The following CTNND2 variants were observed in gnomAD, a reference collection of about 807,000 sequenced individuals.
The protein encoded by CTNND2 is catenin delta 2.
In CTNND2, 22 loss-of-function variants were observed where a neutral mutation model predicts 144.4. That is an observed-to-expected ratio of 0.15 (90% CI 0.11 to 0.22). CTNND2 has a LOEUF of 0.22. CTNND2 is among the 10% of genes least tolerant of loss of function. The pLI, the probability that CTNND2 is intolerant of heterozygous loss-of-function variation, is 1.00. For missense variants in CTNND2, 1,353 were observed against 1,618.8 expected (o/e 0.84, Z 2.82); for synonymous variants, 751 against 695.6 (o/e 1.08, Z -1.25).
At chr5:11,633,455 A>C (rs1781511986) in intron 2 of CTNND2, among the ~76,000 whole-genome samples, 1 of 152,204 alleles carries the variant, frequency 6.6e-6, no homozygotes. Flanking sequence ...GAAATTCAGC[A>C]ATATTAGTTG....
chr5:11,684,746 A>G (rs1003408315), intron 2 of CTNND2, among the ~76,000 whole-genome samples: 7 of 152,154 alleles, frequency 4.6e-5, no homozygotes, highest in African/African-American at 1.4e-4. Flanking sequence ...TTGTTCCTAT[A>G]GTTGCTATGT....
intron 12 of CTNND2, among the ~76,000 whole-genome samples, chr5:11,120,926 G>C (rs1561336792): frequency 2.6e-5 from 4 of 152,178 alleles, no homozygotes; most frequent in Admixed American, 1.3e-4. Flanking sequence ...CATATCTTAA[G>C]AGAATATTTG....
At chr5:11,098,785 C>T (rs1272564585) in intron 14 of CTNND2, 37 bp from the exon 15 acceptor site, 2 of 1,595,438 alleles carry the variant, frequency 1.3e-6, no homozygotes, top group East Asian at 2.2e-5. Flanking sequence ...ACATCTTTAA[C>T]ATCTTTATGC....
chr5:11,597,350 G>A (rs1030557071), intron 2 of CTNND2, among the ~76,000 whole-genome samples: 1 of 152,118 alleles, frequency 6.6e-6, no homozygotes, highest in African/African-American at 2.4e-5. Context: ...GCTTTGTAAA[G>A]GTCTTAAATA....
chr5:11,575,482 ACT>A (rs1232638981), intron 2 of CTNND2, among the ~76,000 whole-genome samples: 3 of 151,314 alleles, frequency 2.0e-5, no homozygotes, highest in Non-Finnish European at 4.4e-5. Flanking sequence ...TCTCCCCTCT[ACT>A]CTCTGTGTCA....
chr5:11,234,186 C>T (rs1218394469), intron 10 of CTNND2, among the ~76,000 whole-genome samples: 2 of 152,152 alleles, frequency 1.3e-5, no homozygotes, highest in African/African-American at 4.8e-5. Context: ...GACAGACACA[C>T]ACACATATGC....
Position 10,973,736 on chromosome 5 carries a change from A to G in CTNND2, c.3418-23T>C. ...AACCTAAACGGGAAAGAAGAGCCAC[A>G]CTGGGTTACTTGGTTTCCCTTGACT... On this transcript the variant is annotated intron_variant, in intron 21 of 21. Coordinates refer to ENST00000304623, the MANE Select transcript of CTNND2 (RefSeq NM_001332.4). The surrounding 1 kb of genome is among the most constrained non-coding windows in gnomAD (Gnocchi z 5.6). 6.4e-7 allele frequency: 1 copy of G among 1,565,632 alleles called. No individual in the cohort carries two copies. Among genetic ancestry groups the G allele is most frequent in the Non-Finnish European group, 8.6e-7 (1 of 1,156,596 alleles).
At chr5:11,675,369 GGCA>G (rs1358693531) in intron 2 of CTNND2, among the ~76,000 whole-genome samples, 49 of 151,950 alleles carry the variant, frequency 3.2e-4, no homozygotes, top group Admixed American at 3.2e-3. Flanking sequence ...GTGTTTGCCT[GGCA>G]AGTGCAGACA....
chr5:11,076,250 C>T (rs1748937741), intron 16 of CTNND2, among the ~76,000 whole-genome samples: 1 of 152,206 alleles, frequency 6.6e-6, no homozygotes, highest in Non-Finnish European at 1.5e-5. Flanking sequence ...GGAAAGGCCA[C>T]TGCAAGGTGG....
At position 11,757,497 on chromosome 5, in the gene CTNND2, C is replaced by G. The variant is rs150990231; in HGVS notation, c.38-25225G>C. Among the ~76,000 whole-genome samples, 1,003 of 151,890 alleles carry G rather than the reference C, an allele frequency of 6.6e-3. 27 individuals are homozygous for G. The highest frequency in any genetic ancestry group is 0.043 in the Admixed American group (651 of 15,194). On this transcript the variant is annotated intron_variant, in intron 1 of 21. Transcript: ENST00000304623. The stretch of plus-strand genomic sequence containing the variant: ...ATTCCTAGAAATGAATTTGCTGTGT[C>G]TAAGAATACAAACATCTTAAGCTGT...
chr5:11,107,954 G>A (rs573540425), intron 14 of CTNND2, among the ~76,000 whole-genome samples: 91 of 152,304 alleles, frequency 6.0e-4, no homozygotes, highest in African/African-American at 2.1e-3. Flanking sequence ...CCAGGCATTG[G>A]GCTAGAAGTC....
chr5:11,287,122 T>G (rs1419491210), intron 9 of CTNND2, among the ~76,000 whole-genome samples: 6 of 152,256 alleles, frequency 3.9e-5, no homozygotes, highest in Non-Finnish European at 8.8e-5. Flanking sequence ...CAAATAATTT[T>G]ATGTGTCAAT....
At chr5:11,851,963 C>T (rs1433349610) in intron 1 of CTNND2, among the ~76,000 whole-genome samples, 5 of 152,188 alleles carry the variant, frequency 3.3e-5, no homozygotes, top group African/African-American at 1.2e-4. Flanking sequence ...ATACATTCTC[C>T]TCCTACCTCA....
chr5:11,893,463 G>A (rs998657652), intron 1 of CTNND2, among the ~76,000 whole-genome samples: 22 of 152,178 alleles, frequency 1.4e-4, no homozygotes, highest in Non-Finnish European at 2.8e-4. Context: ...TTTGTTGAAT[G>A]AATGCATAAA....
intron 1 of CTNND2, among the ~76,000 whole-genome samples, chr5:11,880,860 T>C (rs1341610418): frequency 7.9e-6 from 1 of 125,988 alleles, no homozygotes; most frequent in Non-Finnish European, 1.7e-5. Flanking sequence ...CCACTACTAC[T>C]ACCACTACTA....
intron 1 of CTNND2, among the ~76,000 whole-genome samples, chr5:11,865,721 C>T (rs1238902199): frequency 6.6e-6 from 1 of 151,828 alleles, no homozygotes; most frequent in East Asian, 1.9e-4. Context: ...TGGGAGATTA[C>T]CCTGGATTAT....
chr5:11,593,705 C>T (rs1463303776), intron 2 of CTNND2, among the ~76,000 whole-genome samples: 2 of 152,200 alleles, frequency 1.3e-5, no homozygotes. Flanking sequence ...CACTTTCCAT[C>T]ATGATTGTGA....
intron 3 of CTNND2, among the ~76,000 whole-genome samples, chr5:11,507,951 C>G (rs2150020049): frequency 6.6e-6 from 1 of 151,448 alleles, no homozygotes; most frequent in South Asian, 2.1e-4. Context: ...ACAAATAAGG[C>G]TCGTGTTGTG....
chr5:11,673,414 T>C (rs1036166726), intron 2 of CTNND2, among the ~76,000 whole-genome samples: 1 of 152,180 alleles, frequency 6.6e-6, no homozygotes, highest in African/African-American at 2.4e-5. Context: ...TTTGTGGGTT[T>C]TGTGGTCTTT....
Sources: allele counts gnomAD v4.1 joint callset (sites outside exome capture counted in the v4.1 genomes callset), GRCh38; gene constraint gnomAD v4.1.1; non-coding constraint Gnocchi (gnomAD v3.1); transcripts MANE v1.5; gene names NCBI Gene and HGNC (gene_info 2026-07-23, HGNC 2026-07-21).